The following SCOC variants were observed in gnomAD, a reference collection of about 807,000 sequenced individuals.
SCOC encodes the protein short coiled-coil protein.
Under a neutral mutation model 9.9 loss-of-function variants are expected in SCOC, and 7 were observed. The ratio of observed to expected loss-of-function variants is 0.71; its 90% CI spans 0.40 to 1.33. The LOEUF (loss-of-function observed/expected upper bound fraction) is 1.33, where lower values mean the gene tolerates loss of function less well. Ranked by LOEUF, SCOC falls within the 40% of genes most tolerant of loss-of-function variation. The pLI, the probability that SCOC is intolerant of heterozygous loss-of-function variation, is 0.01. For missense variants in SCOC, 66 were observed against 89.7 expected (o/e 0.74, Z 1.07); for synonymous variants, 19 against 28.2 (o/e 0.67, Z 1.03).
At chr4:140,316,644 T>A (rs907748457) in intron 1 of SCOC, among the ~76,000 whole-genome samples, 1 of 152,116 alleles carries the variant, frequency 6.6e-6, no homozygotes, top group African/African-American at 2.4e-5. Context: ...TGGGGATTTA[T>A]TCAAAGTGCC....
chr4:140,294,244 G>T (rs1159021239), intron 1 of SCOC, among the ~76,000 whole-genome samples: 2 of 152,154 alleles, frequency 1.3e-5, no homozygotes, highest in African/African-American at 2.4e-5. Flanking sequence ...TGATGGACAG[G>T]AATGTGTGGA....
At chr4:140,267,640 G>A (rs1349283432) in intron 1 of SCOC, among the ~76,000 whole-genome samples, 1 of 152,086 alleles carries the variant, frequency 6.6e-6, no homozygotes, top group Non-Finnish European at 1.5e-5. Context: ...CACTCCATTT[G>A]TTGCCAGACA....
At chr4:140,309,165 G>A (rs1395563874) in intron 1 of SCOC, among the ~76,000 whole-genome samples, 1 of 152,210 alleles carries the variant, frequency 6.6e-6, no homozygotes, top group African/African-American at 2.4e-5. Context: ...CTGTTTTACA[G>A]GTGAAGAAAC....
At chr4:140,261,950 G>T (rs1374583376) in intron 1 of SCOC, among the ~76,000 whole-genome samples, 1 of 152,152 alleles carries the variant, frequency 6.6e-6, no homozygotes, top group African/African-American at 2.4e-5. Context: ...AGTGCAGCAG[G>T]CCAGAGAAGG....
intron 1 of SCOC, among the ~76,000 whole-genome samples, chr4:140,280,688 G>T (rs1462724130): frequency 6.6e-6 from 1 of 152,198 alleles, no homozygotes; most frequent in Admixed American, 6.5e-5. Flanking sequence ...AGCTAATTAA[G>T]TCTTTTTGAC....
chr4:140,369,561 G>A (rs1727951179), upstream of SCOC, among the ~76,000 whole-genome samples: 1 of 152,126 alleles, frequency 6.6e-6, no homozygotes, highest in South Asian at 2.1e-4. Context: ...ATAGCAGCTT[G>A]TATGTGCACA....
upstream of SCOC, among the ~76,000 whole-genome samples, chr4:140,341,306 C>T (rs114401654): frequency 1.4e-3 from 209 of 152,292 alleles, no homozygotes; most frequent in African/African-American, 4.7e-3. Flanking sequence ...TAACTCTTCT[C>T]TTGCATGCCC....
intron 2 of SCOC, among the ~76,000 whole-genome samples, chr4:140,365,892 G>A (rs900784344): frequency 6.6e-6 from 1 of 152,118 alleles, no homozygotes; most frequent in Non-Finnish European, 1.5e-5. Context: ...TAGGTTATTA[G>A]CAATTATACT....
chr4:140,378,533 A>G (rs1399600553), intron 1 of SCOC, among the ~76,000 whole-genome samples: 1 of 152,258 alleles, frequency 6.6e-6, no homozygotes, highest in African/African-American at 2.4e-5. Context: ...AGTTTAATAC[A>G]GACTGGGCAA....
At chr4:140,306,473 G>A (rs1578792956) in intron 1 of SCOC, among the ~76,000 whole-genome samples, 2 of 152,218 alleles carry the variant, frequency 1.3e-5, no homozygotes, top group East Asian at 3.9e-4. Flanking sequence ...AAATGAATAG[G>A]GGAATCAGCT....
At chr4:140,354,662 T>G (rs763707415) in intron 2 of SCOC, among the ~76,000 whole-genome samples, 1 of 152,060 alleles carries the variant, frequency 6.6e-6, no homozygotes, top group Non-Finnish European at 1.5e-5. Context: ...TCGTAACTAA[T>G]TGATTATTTT....
intron 2 of SCOC, among the ~76,000 whole-genome samples, chr4:140,344,955 A>G (rs1209028904): frequency 2.0e-5 from 3 of 152,132 alleles, no homozygotes; most frequent in African/African-American, 7.2e-5. Context: ...TGGTGGTGCC[A>G]GGCCTTTCTA....
chr4:140,357,250 G>A (rs1229904228), intron 2 of SCOC, among the ~76,000 whole-genome samples: 5 of 152,042 alleles, frequency 3.3e-5, no homozygotes, highest in Admixed American at 2.6e-4. Context: ...CTGGGATTAC[G>A]GGTGTGAGCC....
chr4:140,371,569 A>G (rs189737442), upstream of SCOC, among the ~76,000 whole-genome samples: 11 of 152,368 alleles, frequency 7.2e-5, no homozygotes, highest in East Asian at 9.6e-4. Flanking sequence ...ACAGTAATGA[A>G]TAATAGTTTT....
intron 1 of SCOC, among the ~76,000 whole-genome samples, chr4:140,323,478 A>G (rs754513904): frequency 1.3e-5 from 2 of 152,184 alleles, no homozygotes; most frequent in African/African-American, 2.4e-5. Flanking sequence ...CATAAATTTG[A>G]TAAGTCACTG....
chr4:140,381,124 T>G lies in SCOC; in HGVS notation c.*20T>G, dbSNP rs774866522. On this transcript the variant is annotated 3_prime_UTR_variant, in exon 4 of 4. Coordinates refer to ENST00000608372, the MANE Select transcript of SCOC (RefSeq NM_001153484.2). ...AAGTAAGGGATTGACACCCTTCTGT[T>G]TTATGGAATTGCTGCTGATCATTTT... 27 of 1,560,026 alleles carry G rather than the reference T, an allele frequency of 1.7e-5. No homozygotes were observed. Among genetic ancestry groups the G allele is most frequent in the Non-Finnish European group, 2.3e-5 (27 of 1,163,570 alleles).
At chr4:140,288,402 A>G (rs902072206) in intron 1 of SCOC, among the ~76,000 whole-genome samples, 3 of 151,996 alleles carry the variant, frequency 2.0e-5, no homozygotes, top group African/African-American at 7.3e-5. Context: ...ACACCATGCA[A>G]ATACCCCACA....
intron 2 of SCOC, chr4:140,361,113 A>G (rs150593487): frequency 7.9e-5 from 12 of 152,250 alleles, no homozygotes; most frequent in African/African-American, 2.9e-4. Context: ...AAGAGTACTG[A>G]CACCATGCCA....
At chr4:140,298,593 C>T (rs1341053222) in intron 1 of SCOC, among the ~76,000 whole-genome samples, 1 of 152,108 alleles carries the variant, frequency 6.6e-6, no homozygotes, top group Non-Finnish European at 1.5e-5. Context: ...TGGGGACCCA[C>T]CAGCCTCTGA....
Sources: gnomAD v4.1 joint callset for allele counts (sites outside exome capture counted in the v4.1 genomes callset) on GRCh38, gnomAD v4.1.1 for gene constraint, MANE v1.5 for transcripts, NCBI Gene and HGNC (gene_info 2026-07-23, HGNC 2026-07-21) for gene names.